Variants in PDGFRB observed in about 807,000 individuals in gnomAD.
PDGFRB encodes the protein platelet-derived growth factor receptor beta.
Under a neutral mutation model 120.2 loss-of-function variants are expected in PDGFRB, and 42 were observed. The observed-to-expected ratio is 0.35, with a 90% CI of 0.27 to 0.45. PDGFRB has a LOEUF of 0.45. Among genes scored for constraint, PDGFRB ranks in the 20% least tolerant of loss-of-function variants. The probability of loss-of-function intolerance (pLI) is 1.00; values close to 1 mark genes in which losing one functional copy is unlikely to be tolerated. For synonymous variants in PDGFRB, 586 were observed against 606.8 expected, an observed-to-expected ratio of 0.97 and a Z score of 0.50; for missense variants, 1,149 against 1,476.3, an observed-to-expected ratio of 0.78 and a Z score of 3.63.
At chr5:150,133,815 A>C (rs1222447464) in intron 5 of PDGFRB, 55 bp from the exon 6 acceptor site, 1 of 1,611,332 alleles carries the variant, frequency 6.2e-7, no homozygotes, top group East Asian at 2.2e-5. Flanking sequence ...GGGAGAAATC[A>C]GCCTGCAAGC....
In PDGFRB at chr5:150,124,843, A is replaced by G; in HGVS notation, c.1808-12T>C. The G allele has an allele frequency of 6.9e-7, 1 of 1,459,220 alleles. No homozygotes were observed. Among genetic ancestry groups the G allele is most frequent in the Non-Finnish European group, 9.5e-7 (1 of 1,053,416 alleles). The allele number at this position is 1,459,220 out of a possible 1,614,324, so 90.4% of individuals were successfully genotyped here. ...GCCGAGGGTGCGTCCTGGTGCAGAG[A>G]TGATCCATTAGCTCCTGGCCTACCA... On this transcript the variant is annotated splice_polypyrimidine_tract_variant and intron_variant, in intron 12 of 22. Coordinates refer to ENST00000261799, the MANE Select transcript of PDGFRB (RefSeq NM_002609.4).
chr5:150,137,741 A>C (rs1487203294), intron 1 of PDGFRB, among the ~76,000 whole-genome samples: 2 of 152,220 alleles, frequency 1.3e-5, no homozygotes, highest in Non-Finnish European at 2.9e-5. Context: ...AGACCAGTGA[A>C]GCCAGGCTCC....
chr5:150,147,404 G>T (rs1446560747), intron 1 of PDGFRB, among the ~76,000 whole-genome samples: 2 of 152,200 alleles, frequency 1.3e-5, no homozygotes, highest in African/African-American at 4.8e-5. Context: ...CAAACCTTCT[G>T]TTCCCCGGGC....
chr5:150,114,583 C>T lies in PDGFRB; in HGVS notation c.*1180G>A, dbSNP rs1759864569. On this transcript the variant is annotated 3_prime_UTR_variant, in exon 23 of 23. Coordinates refer to ENST00000261799, the MANE Select transcript of PDGFRB (RefSeq NM_002609.4). ...ACCGGCTGTCACTCTAAGTCAAGGCCTGTGCAGCTGTGTTCTTGAGACTTG... is the reference window on the plus strand; with the variant it reads ...ACCGGCTGTCACTCTAAGTCAAGGCTTGTGCAGCTGTGTTCTTGAGACTTG... 1 of 233,296 alleles carries T rather than the reference C, an allele frequency of 4.3e-6. No individual in the cohort carries two copies. The highest frequency in any genetic ancestry group is 6.0e-5 in the East Asian group (1 of 16,554). 14.5% of individuals were successfully genotyped at this position (233,296 alleles called of 1,614,324 possible). A position where few individuals can be genotyped will look rare whatever the true frequency, so the allele number is the denominator to read the frequency against.
chr5:150,118,532 C>G (rs890079475), intron 21 of PDGFRB, among the ~76,000 whole-genome samples: 1 of 152,212 alleles, frequency 6.6e-6, no homozygotes, highest in African/African-American at 2.4e-5. Context: ...AATCGATCAG[C>G]TTCCATGTAG....
At position 150,155,452 on chromosome 5, in the gene PDGFRB, C is replaced by G. The variant is rs574852515; in HGVS notation, c.-62G>C. On this transcript the variant is annotated 5_prime_UTR_variant, in exon 1 of 23. Coordinates refer to ENST00000261799, the MANE Select transcript of PDGFRB (RefSeq NM_002609.4). ...AGTTCCAGGCTCTGGACAGTCACCC[C>G]CTCCAGGAAGTCCTCCTTACTGCCC... 5 of 397,318 alleles carry G rather than the reference C, an allele frequency of 1.3e-5. No individual in the cohort carries two copies. Among genetic ancestry groups the G allele is most frequent in the Non-Finnish European group, 2.2e-5 (5 of 225,878 alleles). The allele number at this position is 397,318 out of a possible 1,614,324, so 24.6% of individuals were successfully genotyped here.
At chr5:150,139,667 T>C (rs1208426179) in intron 1 of PDGFRB, among the ~76,000 whole-genome samples, 2 of 149,232 alleles carry the variant, frequency 1.3e-5, no homozygotes, top group Non-Finnish European at 3.0e-5. Context: ...TGGGCCTCAG[T>C]TTCCCCATCT....
rs571365996 is a variant in PDGFRB at position 150,134,672 on chromosome 5, T to C, written c.631+78A>G. The C allele has an allele frequency of 2.0e-5, 27 of 1,349,880 alleles. No homozygotes were observed. In the African/African-American group the frequency reaches 3.6e-4, roughly 18 times the overall value. The allele number at this position is 1,349,880 out of a possible 1,614,324, so 83.6% of individuals were successfully genotyped here. ...CACTGGGAAGTGGAGTCCCACACTT[T>C]GTAAACTGTAAAGGGCTATTCCTCT... On this transcript the variant is annotated intron_variant, in intron 4 of 22. Transcript: ENST00000261799.
At chr5:150,123,949 G>A (rs1171891103) in intron 14 of PDGFRB, among the ~76,000 whole-genome samples, 2 of 152,208 alleles carry the variant, frequency 1.3e-5, no homozygotes, top group Admixed American at 6.5e-5. Context: ...TGTCATGTGA[G>A]CTGTTATTTA....
Position 150,132,372 on chromosome 5 carries a change from T to A in PDGFRB, c.1128-278A>T, listed in dbSNP as rs1314302944. 6.6e-6 allele frequency among the ~76,000 whole-genome samples: 1 copy of A among 152,114 alleles called. No individual in the cohort carries two copies. The highest frequency in any genetic ancestry group is 1.5e-5 in the Non-Finnish European group (1 of 68,004). On this transcript the variant is annotated intron_variant, in intron 7 of 22. Transcript: ENST00000261799. This position sits in a 1 kb window ranked among gnomAD's most constrained non-coding sequence, Gnocchi z 5.0. ...TCCCCTTCAGAAAGGTGGACACTGC[T>A]CCATCCTAACCTACCACAGTCTCTG...
intron 12 of PDGFRB, 70 bp from the exon 13 acceptor site, chr5:150,124,901 C>A: frequency 1.5e-6 from 1 of 678,402 alleles, no homozygotes; most frequent in Non-Finnish European, 2.5e-6. Context: ...CTGCCCCCCT[C>A]CCCCCACTCC....
intron 12 of PDGFRB, 52 bp from the exon 13 acceptor site, chr5:150,124,883 T>TC: frequency 1.2e-6 from 1 of 854,894 alleles, no homozygotes; most frequent in East Asian, 2.6e-5. Context: ...GCTGCACCGC[T>TC]CCCCCAGCTG....
At chr5:150,141,779 C>T (rs1380023813) in intron 1 of PDGFRB, among the ~76,000 whole-genome samples, 1 of 152,008 alleles carries the variant, frequency 6.6e-6, no homozygotes, top group African/African-American at 2.4e-5. Flanking sequence ...TACACGCGCA[C>T]GTGCTGAGGG....
intron 1 of PDGFRB, among the ~76,000 whole-genome samples, chr5:150,151,018 G>A (rs1435265141): frequency 1.3e-5 from 2 of 152,140 alleles, no homozygotes; most frequent in South Asian, 2.1e-4. Context: ...AACTGAGCAC[G>A]TTAAGGGGCC....
chr5:150,117,542 GCGCACACACACACACACACA>G, intron 22 of PDGFRB, 56 bp downstream of exon 22: 1 of 461,986 alleles, frequency 2.2e-6, no homozygotes, highest in East Asian at 3.1e-5. Flanking sequence ...GCGCGCGCGC[GCGCACACACACACACACACA>G]CACACACACA....
At chr5:150,124,061 GTGT>G (rs1215718020) in intron 14 of PDGFRB, 186 bp downstream of exon 14, 4 of 431,800 alleles carry the variant, frequency 9.3e-6, no homozygotes, top group Non-Finnish European at 1.7e-5. Flanking sequence ...AGCCTTGAAG[GTGT>G]TGTGATTTTG....
rs75509693 is a variant in PDGFRB, at chr5:150,116,805, C to G, written c.3137+813G>C. 5.9e-3 allele frequency among the ~76,000 whole-genome samples: 903 copies of G among 152,238 alleles called. 27 individuals are homozygous for G. Among genetic ancestry groups the G allele is most frequent in the Admixed American group, 0.034 (526 of 15,296 alleles). ...TGGTTGGCCTCTTCAACAGTTAGAG[C>G]AATGAGGGCCTTCGGAGCCTTCTAA... On this transcript the variant is annotated intron_variant, in intron 22 of 22. Transcript: ENST00000261799.
rs903909056 is a variant in PDGFRB at position 150,127,067 on chromosome 5, G to A, written c.1580-453C>T. Among the ~76,000 whole-genome samples, 7 of 152,316 alleles carry A rather than the reference G, an allele frequency of 4.6e-5. No homozygotes were observed. The South Asian group carries it at 8.3e-4, about 18-fold the overall frequency. ...AAGCTCCATGCCTGACCGAGTGGCC[G>A]GTGGACTGAGTGAGTGGCCACTGAG... On this transcript the variant is annotated intron_variant, in intron 10 of 22. Transcript: ENST00000261799.
At chr5:150,144,832 C>G (rs1278488090) in intron 1 of PDGFRB, among the ~76,000 whole-genome samples, 1 of 152,178 alleles carries the variant, frequency 6.6e-6, no homozygotes, top group Non-Finnish European at 1.5e-5. Flanking sequence ...CTGCCTCCTG[C>G]GGTGCCTTGA....
Sources: gnomAD v4.1 joint callset for allele counts (sites outside exome capture counted in the v4.1 genomes callset) on GRCh38, gnomAD v4.1.1 for gene constraint, Gnocchi (gnomAD v3.1) non-coding constraint, MANE v1.5 for transcripts, NCBI Gene and HGNC (gene_info 2026-07-23, HGNC 2026-07-21) for gene names.